EGFLAM: variants seen among roughly 807,000 people sequenced by gnomAD.
EGFLAM encodes pikachurin.
Under a neutral mutation model 113.1 loss-of-function variants are expected in EGFLAM, and 79 were observed. The observed-to-expected ratio is 0.70, with a 90% CI of 0.58 to 0.84. The LOEUF (loss-of-function observed/expected upper bound fraction) is 0.84. EGFLAM is among the 40% of genes least tolerant of loss of function. The pLI, the probability that EGFLAM is intolerant of heterozygous loss-of-function variation, is 0.00. For synonymous variants in EGFLAM, 504 were observed against 487.6 expected, an observed-to-expected ratio of 1.03 and a Z score of -0.44; for missense variants, 1,265 against 1,291.6, an observed-to-expected ratio of 0.98 and a Z score of 0.32.
chr5:38,378,349 G>T lies in EGFLAM; in HGVS notation c.712+7887G>T, dbSNP rs62353607. Among the ~76,000 whole-genome samples, 13 of 152,212 alleles carry T rather than the reference G, an allele frequency of 8.5e-5. No individual in the cohort carries two copies. In the South Asian group the frequency reaches 2.5e-3, roughly 29 times the overall value. ...CCGCTGTGTTTTTCATTGCCCATCT[G>T]CCTGGAGACCAGTTACAGCATGCGA... On this transcript the variant is annotated intron_variant, in intron 6 of 21. Coordinates refer to ENST00000322350, the MANE Select transcript of EGFLAM (RefSeq NM_152403.4).
chr5:38,424,911 T>C (rs1321336827), intron 12 of EGFLAM, 56 bp from the exon 13 acceptor site: 45 of 1,594,140 alleles, frequency 2.8e-5, no homozygotes, highest in Non-Finnish European at 3.8e-5. Context: ...TCAGCGCCAC[T>C]GTGTTGGACT....
chr5:38,348,518 C>A (rs1480828221), intron 3 of EGFLAM, among the ~76,000 whole-genome samples: 1 of 152,172 alleles, frequency 6.6e-6, no homozygotes, highest in Non-Finnish European at 1.5e-5. Context: ...GTATTGAAAG[C>A]TGCAGAGAGT....
intron 5 of EGFLAM, among the ~76,000 whole-genome samples, chr5:38,355,619 T>C (rs1446014533): frequency 6.6e-6 from 1 of 152,206 alleles, no homozygotes; most frequent in Non-Finnish European, 1.5e-5. Flanking sequence ...AGAAGAGCTT[T>C]GAGTAAGAAA....
At chr5:38,368,281 G>A (rs751393630) in intron 5 of EGFLAM, among the ~76,000 whole-genome samples, 15 of 152,114 alleles carry the variant, frequency 9.9e-5, no homozygotes, top group Non-Finnish European at 1.6e-4. Context: ...TTTTCTCTTC[G>A]ATGATAAAGT....
chr5:38,268,641 C>T (rs900042197), intron 1 of EGFLAM, among the ~76,000 whole-genome samples: 11 of 152,134 alleles, frequency 7.2e-5, no homozygotes, highest in East Asian at 1.9e-4. Context: ...ATATTTTATA[C>T]GTGGCAGAAT....
chr5:38,307,953 C>G (rs775072913), intron 1 of EGFLAM, among the ~76,000 whole-genome samples: 11 of 152,198 alleles, frequency 7.2e-5, no homozygotes, highest in Non-Finnish European at 1.5e-4. Context: ...CTGGTATGCT[C>G]TGACTCTTGG....
At chr5:38,382,853 C>T (rs1282460535) in intron 6 of EGFLAM, among the ~76,000 whole-genome samples, 2 of 152,192 alleles carry the variant, frequency 1.3e-5, no homozygotes, top group South Asian at 2.1e-4. Context: ...CTTTTGAACT[C>T]TAATCCCAGC....
chr5:38,290,362 A>G (rs533651260), intron 1 of EGFLAM, among the ~76,000 whole-genome samples: 1 of 152,328 alleles, frequency 6.6e-6, no homozygotes, highest in East Asian at 1.9e-4. Flanking sequence ...GCCAAGCACA[A>G]GCTGTCAGCC....
intron 1 of EGFLAM, among the ~76,000 whole-genome samples, chr5:38,271,146 C>CA (rs35231570): frequency 0.22 from 33,669 of 151,946 alleles, 4,010 homozygotes; most frequent in Middle Eastern, 0.35. Flanking sequence ...GGACTTTGTA[C>CA]AAAATCAAGA....
intron 1 of EGFLAM, among the ~76,000 whole-genome samples, chr5:38,270,337 T>A (rs1289093985): frequency 6.6e-6 from 1 of 152,190 alleles, no homozygotes; most frequent in Admixed American, 6.5e-5. Context: ...AATTTAGCCA[T>A]CCTTTTTAGT....
rs774334386 is a variant in EGFLAM at position 38,435,157 on chromosome 5, G to A, written c.2187G>A (p.Lys729=). The A allele has an allele frequency of 6.8e-6, 11 of 1,614,056 alleles. No homozygotes were observed. Among genetic ancestry groups the A allele is most frequent in the East Asian group, 4.5e-5 (2 of 44,896 alleles). ...GGCAGGGAGGCTTCACACAGATTAAGTGCAACACAGACATTTTCATTGGCG... is the reference window on the plus strand; with the variant it reads ...GGCAGGGAGGCTTCACACAGATTAAATGCAACACAGACATTTTCATTGGCG... ...GMAEGGFTQI[K]CNTDIFIGGV... is the part of the protein sequence containing the mutation. Residue 729 remains lysine (K), a synonymous_variant, in exon 16 of 22, where the codon AAG becomes AAA. Transcript: ENST00000322350.
chr5:38,444,800 C>T (rs1232546480), intron 17 of EGFLAM, among the ~76,000 whole-genome samples: 1 of 152,098 alleles, frequency 6.6e-6, no homozygotes, highest in African/African-American at 2.4e-5. Context: ...CAAAAATTAG[C>T]CAGGCATGAT....
chr5:38,334,552 T>C (rs1198868738), intron 1 of EGFLAM, among the ~76,000 whole-genome samples: 2 of 152,188 alleles, frequency 1.3e-5, no homozygotes, highest in Non-Finnish European at 2.9e-5. Context: ...ATGATTACAT[T>C]AGGAATTAGA....
At chr5:38,445,531 C>G (rs1742678313) in intron 17 of EGFLAM, 1 of 1,564,580 alleles carries the variant, frequency 6.4e-7, no homozygotes, top group Non-Finnish European at 8.6e-7. Flanking sequence ...TATTCACATT[C>G]CCTAAGAGGA....
At chr5:38,445,549 G>C (rs1268329908) in intron 17 of EGFLAM, 1 of 1,585,934 alleles carries the variant, frequency 6.3e-7, no homozygotes, top group East Asian at 2.2e-5. Context: ...GGACGTTCTG[G>C]ACTCTCGGGC....
intron 6 of EGFLAM, among the ~76,000 whole-genome samples, chr5:38,372,766 C>A (rs563101642): frequency 1.3e-5 from 2 of 152,084 alleles, no homozygotes; most frequent in African/African-American, 4.8e-5. Flanking sequence ...ATCAGAATAA[C>A]AAAATTTATT....
At chr5:38,437,513 G>C (rs1340049279) in intron 16 of EGFLAM, among the ~76,000 whole-genome samples, 1 of 152,152 alleles carries the variant, frequency 6.6e-6, no homozygotes, top group East Asian at 1.9e-4. Flanking sequence ...TTATATACCA[G>C]TGTCTCCCAG....
chr5:38,449,505 A>C (rs994204789), intron 18 of EGFLAM, among the ~76,000 whole-genome samples: 2 of 152,132 alleles, frequency 1.3e-5, no homozygotes, highest in African/African-American at 4.8e-5. Context: ...AGTCCCTAGA[A>C]AGCAGTGACA....
At chr5:38,435,789 G>A (rs543483425) in intron 16 of EGFLAM, among the ~76,000 whole-genome samples, 1 of 143,664 alleles carries the variant, frequency 7.0e-6, no homozygotes, top group East Asian at 2.1e-4. Context: ...GAAAGATACT[G>A]ACTCCCCCGG....
Sources: allele counts gnomAD v4.1 joint callset (sites outside exome capture counted in the v4.1 genomes callset), GRCh38; gene constraint gnomAD v4.1.1; transcripts MANE v1.5; gene names NCBI Gene and HGNC (gene_info 2026-07-23, HGNC 2026-07-21).